The following PSMA8 variants were observed in gnomAD, a reference collection of about 807,000 sequenced individuals.
PSMA8 encodes proteasome 20S subunit alpha 8.
In PSMA8, 18 loss-of-function variants were observed where a neutral mutation model predicts 32.4. The observed-to-expected ratio is 0.56, with a 90% CI of 0.38 to 0.82. The LOEUF (loss-of-function observed/expected upper bound fraction) is 0.82. PSMA8 is among the 40% of genes least tolerant of loss of function. The pLI is 0.00. For synonymous variants in PSMA8, 104 were observed against 98.1 expected (o/e 1.06, Z -0.36); for missense variants, 298 against 300.7 (o/e 0.99, Z 0.07).
At chr18:26,139,596 A>G (rs1433456507) in intron 1 of PSMA8, among the ~76,000 whole-genome samples, 2 of 152,176 alleles carry the variant, frequency 1.3e-5, no homozygotes, top group African/African-American at 4.8e-5. Context: ...TTAAAAACCT[A>G]TATTGAAGGT....
intron 4 of PSMA8, among the ~76,000 whole-genome samples, chr18:26,158,506 T>C (rs1305215393): frequency 2.0e-5 from 3 of 152,196 alleles, no homozygotes; most frequent in Non-Finnish European, 4.4e-5. Flanking sequence ...CCAGTTCCTA[T>C]TTATTTATTA....
intron 1 of PSMA8, among the ~76,000 whole-genome samples, chr18:26,136,855 G>A (rs755474187): frequency 6.6e-6 from 1 of 152,072 alleles, no homozygotes; most frequent in Non-Finnish European, 1.5e-5. Flanking sequence ...CTTTAACCAG[G>A]CATTTTGTGT....
intron 1 of PSMA8, among the ~76,000 whole-genome samples, chr18:26,136,020 GA>G (rs35504972): frequency 0.052 from 7,909 of 152,206 alleles, 228 homozygotes; most frequent in East Asian, 0.12. Context: ...GTCTAGAAGT[GA>G]AAATTGATAT....
chr18:26,171,549 C>A (rs897984875), intron 4 of PSMA8, among the ~76,000 whole-genome samples: 1 of 152,198 alleles, frequency 6.6e-6, no homozygotes, highest in African/African-American at 2.4e-5. Flanking sequence ...GCCTGGCCAA[C>A]ATGGCGAAAC....
intron 4 of PSMA8, among the ~76,000 whole-genome samples, chr18:26,166,717 T>C (rs965461178): frequency 6.6e-6 from 1 of 152,164 alleles, no homozygotes; most frequent in Non-Finnish European, 1.5e-5. Context: ...CCATGGTTAT[T>C]AGGACTTGGA....
At chr18:26,165,424 C>T (rs1208833925) in intron 4 of PSMA8, among the ~76,000 whole-genome samples, 1 of 152,152 alleles carries the variant, frequency 6.6e-6, no homozygotes, top group Non-Finnish European at 1.5e-5. Flanking sequence ...TTGTACTTTA[C>T]ACTTTTCGTA....
chr18:26,187,264 T>C (rs1568072781), intron 6 of PSMA8, among the ~76,000 whole-genome samples: 1 of 152,134 alleles, frequency 6.6e-6, no homozygotes. Flanking sequence ...GAGAATCACT[T>C]GAGCCTAGGG....
rs770473841 is a variant in PSMA8, at chr18:26,178,929, G to A, written c.577G>A (p.Ala193Thr). The A allele has an allele frequency of 3.0e-5, 48 of 1,613,036 alleles. 1 individual carries two copies. In the South Asian group the frequency reaches 4.6e-4, roughly 16 times the overall value. ...IASDSEAIKL[A>T]IKALLEVVQS... ...AAGTGACAGTGAAGCTATCAAGTTA[G>A]CAATAAAAGCTTTGCTAGAAGTAAG... is the stretch of plus-strand genomic sequence containing the variant. Residue 193 changes from alanine to threonine, a missense_variant, in exon 5 of 7, where the codon GCA becomes ACA. Ala to Thr is a moderately conservative substitution (Grantham distance 58). Coordinates refer to ENST00000415576, the MANE Select transcript of PSMA8 (RefSeq NM_001025096.2).
intron 4 of PSMA8, among the ~76,000 whole-genome samples, chr18:26,170,016 G>C (rs999543774): frequency 1.0e-5 from 1 of 96,674 alleles, no homozygotes; most frequent in Non-Finnish European, 1.8e-5. Flanking sequence ...CAAGGAGGGG[G>C]GCGGGATCAA....
intron 1 of PSMA8, among the ~76,000 whole-genome samples, chr18:26,140,921 C>T (rs9967283): frequency 0.26 from 40,011 of 152,044 alleles, 9,463 homozygotes; most frequent in African/African-American, 0.63. Context: ...CTTGAATCAA[C>T]ATGGCCAGTT....
chr18:26,143,341 A>G (rs992876754), intron 1 of PSMA8, among the ~76,000 whole-genome samples: 1 of 152,124 alleles, frequency 6.6e-6, no homozygotes, highest in Non-Finnish European at 1.5e-5. Context: ...GTGTGTGTGT[A>G]TGAGCAAAGC....
intron 3 of PSMA8, among the ~76,000 whole-genome samples, chr18:26,152,405 G>T (rs2055053848): frequency 1.3e-5 from 2 of 151,986 alleles, no homozygotes; most frequent in Admixed American, 6.6e-5. Flanking sequence ...GCCCACTGCA[G>T]CCTCGACCTT....
At chr18:26,191,697 C>G (rs1344028176) in intron 6 of PSMA8, among the ~76,000 whole-genome samples, 1 of 151,976 alleles carries the variant, frequency 6.6e-6, no homozygotes, top group African/African-American at 2.4e-5. Context: ...TCAACTGATC[C>G]ACCCACCTCG....
At chr18:26,175,304 T>C (rs1035739243) in intron 4 of PSMA8, among the ~76,000 whole-genome samples, 3 of 152,170 alleles carry the variant, frequency 2.0e-5, no homozygotes, top group African/African-American at 7.2e-5. Flanking sequence ...TTTTATAAGA[T>C]ATTAGGAAGT....
chr18:26,161,767 A>G (rs2055137656), intron 4 of PSMA8, among the ~76,000 whole-genome samples: 1 of 152,198 alleles, frequency 6.6e-6, no homozygotes, highest in Non-Finnish European at 1.5e-5. Context: ...GGAAGTATTC[A>G]GTTAAGTCCA....
intron 1 of PSMA8, among the ~76,000 whole-genome samples, chr18:26,138,148 G>A (rs1340773134): frequency 6.6e-6 from 1 of 152,140 alleles, no homozygotes; most frequent in Non-Finnish European, 1.5e-5. Context: ...TTTTGATGTG[G>A]CTACTGTCAG....
chr18:26,181,123 A>G (rs921897838), intron 6 of PSMA8, among the ~76,000 whole-genome samples: 3 of 152,322 alleles, frequency 2.0e-5, no homozygotes, highest in African/African-American at 7.2e-5. Context: ...GTCCAACAGC[A>G]TGTGCTTACT....
chr18:26,178,768 T>G (rs1245008904), intron 4 of PSMA8, 62 bp from the exon 5 acceptor site: 6 of 1,481,638 alleles, frequency 4.0e-6, no homozygotes, highest in Non-Finnish European at 5.6e-6. Flanking sequence ...TAAACTTTAC[T>G]TAGTAACCAT....
intron 6 of PSMA8, among the ~76,000 whole-genome samples, chr18:26,185,087 C>CAAAAAAAAAAAAAAAAAAAAAAAAAAAA (rs772421124): frequency 1.8e-5 from 1 of 55,468 alleles, no homozygotes; most frequent in African/African-American, 6.5e-5. Context: ...AACTCCATCT[C>CAAAAAAAAAAAAAAAAAAAAAAAAAAAA]AAAAAAAAAA....
Sources: gnomAD v4.1 joint callset for allele counts (sites outside exome capture counted in the v4.1 genomes callset) on GRCh38, gnomAD v4.1.1 for gene constraint, MANE v1.5 for transcripts, NCBI Gene and HGNC (gene_info 2026-07-23, HGNC 2026-07-21) for gene names.